The following EFCAB6 variants were observed in gnomAD, a reference collection of about 807,000 sequenced individuals.
The protein encoded by EFCAB6 is EF-hand calcium binding domain 6, also known as EF-hand calcium-binding domain-containing protein 6.
EFCAB6 carries 156 observed loss-of-function variants against 169.8 expected under a neutral mutation model. The ratio of observed to expected loss-of-function variants is 0.92; its 90% CI spans 0.81 to 1.05. The LOEUF is 1.05. Among genes scored for constraint, EFCAB6 ranks in the 50% least tolerant of loss-of-function variants. EFCAB6 has a pLI of 0.00. For synonymous variants in EFCAB6, 698 were observed against 676.4 expected (o/e 1.03, Z -0.50); for missense variants, 1,800 against 1,829.1 (o/e 0.98, Z 0.29).
chr22:43,709,068 G>A (rs895773495), intron 10 of EFCAB6, among the ~76,000 whole-genome samples: 1 of 152,086 alleles, frequency 6.6e-6, no homozygotes, highest in African/African-American at 2.4e-5. Context: ...TTTCTAGCTT[G>A]GGACAATTTG....
At chr22:43,781,288 C>A (rs995058714) in intron 3 of EFCAB6, among the ~76,000 whole-genome samples, 2 of 152,162 alleles carry the variant, frequency 1.3e-5, no homozygotes, top group African/African-American at 2.4e-5. Flanking sequence ...GCTTCACTTA[C>A]AATTGCAAAA....
chr22:43,713,620 A>G (rs2059233445), intron 9 of EFCAB6, among the ~76,000 whole-genome samples: 1 of 151,918 alleles, frequency 6.6e-6, no homozygotes, highest in Non-Finnish European at 1.5e-5. Context: ...TCACAACTCC[A>G]CTCCTAGGTG....
Position 43,537,309 on chromosome 22 carries a change from C to G in EFCAB6, c.4048+68G>C. ...CTCCACCCGGGGTGTGGCTTTGTACCCAGTGGGAACAGCCTCTTGCCACAG... is the reference window on the plus strand; with the variant it reads ...CTCCACCCGGGGTGTGGCTTTGTACGCAGTGGGAACAGCCTCTTGCCACAG... On this transcript the variant is annotated intron_variant, in intron 29 of 31. Transcript: ENST00000262726. This position sits in a 1 kb window ranked among gnomAD's most constrained non-coding sequence, Gnocchi z 4.3. 6.4e-7 allele frequency: 1 copy of G among 1,567,852 alleles called. No homozygotes were observed. Among genetic ancestry groups the G allele is most frequent in the Non-Finnish European group, 8.7e-7 (1 of 1,153,114 alleles).
intron 27 of EFCAB6, among the ~76,000 whole-genome samples, chr22:43,542,122 G>A (rs1477071048): frequency 6.6e-6 from 1 of 152,264 alleles, no homozygotes; most frequent in Non-Finnish European, 1.5e-5. Flanking sequence ...TCGGAGCTGA[G>A]GAGGCAGAAG....
intron 19 of EFCAB6, among the ~76,000 whole-genome samples, chr22:43,627,429 T>C (rs2054606134): frequency 6.6e-6 from 1 of 152,190 alleles, no homozygotes; most frequent in Non-Finnish European, 1.5e-5. Flanking sequence ...TTCTCATCTG[T>C]AAAATGGGGA....
At position 43,711,634 on chromosome 22, in the gene EFCAB6, T is replaced by A. The variant is rs2059164177; in HGVS notation, c.883-11A>T. The A allele has an allele frequency of 6.3e-7, 1 of 1,576,322 alleles. No individual in the cohort carries two copies. The highest frequency in any genetic ancestry group is 2.1e-5 in the Admixed American group (1 of 47,122). ...ATAAGACTTCGAAAGCTGCAATAAATTGAAATTAGAGTGTGGCGTTCATAA... is the reference window on the plus strand; with the variant it reads ...ATAAGACTTCGAAAGCTGCAATAAAATGAAATTAGAGTGTGGCGTTCATAA... On this transcript the variant is annotated splice_polypyrimidine_tract_variant and intron_variant, in intron 9 of 31. Transcript: ENST00000262726.
chr22:43,781,691 C>A (rs1033441911), intron 3 of EFCAB6, among the ~76,000 whole-genome samples: 2 of 151,922 alleles, frequency 1.3e-5, no homozygotes, highest in African/African-American at 4.8e-5. Flanking sequence ...AAGAGTGAAC[C>A]CTAATGTAAA....
In EFCAB6 at chr22:43,781,493, T is replaced by C. The variant is rs2061822315; in HGVS notation, c.139+687A>G. 2.0e-5 allele frequency among the ~76,000 whole-genome samples: 3 copies of C among 152,050 alleles called. 1 individual carries two copies. In the South Asian group the frequency reaches 6.2e-4, roughly 32 times the overall value. On this transcript the variant is annotated intron_variant, in intron 3 of 31. Transcript: ENST00000262726. The stretch of plus-strand genomic sequence containing the variant: ...CATGTACCACTATGCCTGGCTAATT[T>C]TTTGTATTTATTTCTTGTAGAGACA...
intron 23 of EFCAB6, among the ~76,000 whole-genome samples, chr22:43,595,415 G>T (rs1419431194): frequency 6.6e-6 from 1 of 151,920 alleles, no homozygotes; most frequent in Non-Finnish European, 1.5e-5. Flanking sequence ...TTAAATCAGA[G>T]ATAAAAAAGG....
intron 26 of EFCAB6, among the ~76,000 whole-genome samples, chr22:43,559,147 A>G (rs1372605486): frequency 6.6e-6 from 1 of 152,256 alleles, no homozygotes; most frequent in Non-Finnish European, 1.5e-5. Flanking sequence ...AGAATCTACA[A>G]GGAACTTAAA....
intron 24 of EFCAB6, among the ~76,000 whole-genome samples, chr22:43,585,466 C>T (rs547581241): frequency 1.3e-4 from 20 of 152,048 alleles, no homozygotes; most frequent in African/African-American, 4.6e-4. Context: ...GACAAGATAT[C>T]CAAAGACTGG....
intron 11 of EFCAB6, among the ~76,000 whole-genome samples, chr22:43,686,000 G>A (rs1226926684): frequency 1.3e-5 from 2 of 149,612 alleles, no homozygotes; most frequent in Non-Finnish European, 3.0e-5. Context: ...TTTTTTTTGA[G>A]ATGAAGTTTT....
intron 27 of EFCAB6, among the ~76,000 whole-genome samples, chr22:43,547,968 C>T (rs1378854782): frequency 2.6e-5 from 4 of 151,704 alleles, no homozygotes; most frequent in South Asian, 2.1e-4. Context: ...TGGTGGCGGG[C>T]GCCTATAGTC....
At chr22:43,806,254 C>T (rs982937255) in intron 2 of EFCAB6, among the ~76,000 whole-genome samples, 1 of 151,218 alleles carries the variant, frequency 6.6e-6, no homozygotes, top group Admixed American at 6.6e-5. Context: ...GGCATAAAGA[C>T]TGAAATTCAA....
chr22:43,668,721 C>T, intron 16 of EFCAB6, 151 bp downstream of exon 16: 1 of 666,776 alleles, frequency 1.5e-6, no homozygotes, highest in Non-Finnish European at 2.2e-6. Context: ...CTCTAAAATT[C>T]CCTGACTCTA....
chr22:43,565,336 T>C (rs887356582), intron 26 of EFCAB6, among the ~76,000 whole-genome samples: 2 of 152,228 alleles, frequency 1.3e-5, no homozygotes, highest in African/African-American at 4.8e-5. Flanking sequence ...ATGGATGTTA[T>C]TGTTTCGTGG....
chr22:43,724,636 C>G (rs2147527029), intron 8 of EFCAB6, among the ~76,000 whole-genome samples: 1 of 152,274 alleles, frequency 6.6e-6, no homozygotes, highest in East Asian at 1.9e-4. Flanking sequence ...TCCCAAAGTG[C>G]TAGGATTACA....
intron 8 of EFCAB6, among the ~76,000 whole-genome samples, chr22:43,718,115 G>A (rs1024934138): frequency 6.6e-6 from 1 of 151,404 alleles, no homozygotes; most frequent in Non-Finnish European, 1.5e-5. Flanking sequence ...AATCTGAGAG[G>A]ATACTACACG....
intron 20 of EFCAB6, among the ~76,000 whole-genome samples, chr22:43,623,279 T>A (rs1472714444): frequency 6.6e-6 from 1 of 152,206 alleles, no homozygotes; most frequent in Admixed American, 6.5e-5. Flanking sequence ...TCTTTTAAGA[T>A]GTTTGTGCAT....
Sources: gnomAD v4.1 joint callset for allele counts (sites outside exome capture counted in the v4.1 genomes callset) on GRCh38, gnomAD v4.1.1 for gene constraint, Gnocchi (gnomAD v3.1) non-coding constraint, MANE v1.5 for transcripts, NCBI Gene and HGNC (gene_info 2026-07-23, HGNC 2026-07-21) for gene names.